NLRC5: variants seen among roughly 807,000 people sequenced by gnomAD.
NLRC5 encodes protein NLRC5.
A neutral mutation model predicts 206.9 loss-of-function variants in NLRC5; 114 were observed. That is an observed-to-expected ratio of 0.55 (90% CI 0.47 to 0.64). NLRC5 has a LOEUF of 0.64. Ranked by LOEUF, NLRC5 falls within the 30% of genes least tolerant of loss-of-function variation. The pLI is 0.00. For missense variants in NLRC5, 2,008 were observed against 2,305.5 expected, an observed-to-expected ratio of 0.87 and a Z score of 2.64; for synonymous variants, 952 against 962.8, an observed-to-expected ratio of 0.99 and a Z score of 0.21.
In NLRC5 at chr16:57,029,978, T is replaced by C. The variant is rs531944191; in HGVS notation, c.2328-17T>C. ...GTAGGGGATTCCACTCCTGACACCT[T>C]TGCCACAATCTTGCAGCCTGAGCAG... On this transcript the variant is annotated splice_polypyrimidine_tract_variant and intron_variant, in intron 9 of 48. Transcript: ENST00000688547. The C allele has an allele frequency of 1.9e-6, 3 of 1,614,080 alleles. No homozygotes were observed. The highest frequency in any genetic ancestry group is 2.7e-5 in the African/African-American group (2 of 75,052).
chr16:57,081,407 G>A (rs1420922059), intron 47 of NLRC5, 120 bp from the exon 48 acceptor site: 5 of 1,019,464 alleles, frequency 4.9e-6, no homozygotes, highest in Non-Finnish European at 7.5e-6. Context: ...GGTTCCCTGA[G>A]AAGGTAGTGT....
In NLRC5 at chr16:57,047,586, T is replaced by C. The variant is rs748677625; in HGVS notation, c.3380T>C (p.Leu1127Pro). Residue 1127 changes from leucine to proline, a missense_variant, in exon 23 of 49, where the codon CTC (leucine) becomes CCC (proline). Leu to Pro is a moderately conservative substitution (Grantham distance 98). Coordinates refer to ENST00000688547, the MANE Select transcript of NLRC5 (RefSeq NM_001384950.1). ...CPLEPPSLTR[L>P]CATLKDCPGP... Reference sequence around the variant, plus strand: ...CTGGAGCCCCCAAGCCTCACCCGCCTCTGTGCCACTCTGAAGGACTGCCCG... The same window carrying C: ...CTGGAGCCCCCAAGCCTCACCCGCCCCTGTGCCACTCTGAAGGACTGCCCG... The C allele has an allele frequency of 6.2e-7, 1 of 1,613,556 alleles. No homozygotes were observed. The highest frequency in any genetic ancestry group is 1.1e-5 in the South Asian group (1 of 90,912).
intron 10 of NLRC5, among the ~76,000 whole-genome samples, chr16:57,030,978 T>C (rs2061813184): frequency 6.6e-6 from 1 of 152,110 alleles, no homozygotes; most frequent in African/African-American, 2.4e-5. Flanking sequence ...TGCATGCCTG[T>C]GGTTCCAGCT....
chr16:57,010,514 C>T (rs904020968), intron 1 of NLRC5, among the ~76,000 whole-genome samples: 1 of 152,156 alleles, frequency 6.6e-6, no homozygotes, highest in Non-Finnish European at 1.5e-5. Context: ...GCTGGGACTA[C>T]AGGCACACAC....
chr16:57,022,697 A>G (rs1651667), intron 4 of NLRC5, among the ~76,000 whole-genome samples: 97,538 of 152,046 alleles, frequency 0.64, 32,161 homozygotes, highest in Non-Finnish European at 0.72. Context: ...TGGACTTGAC[A>G]CTCACCCACA....
At chr16:57,072,375 C>T (rs556523443) in intron 38 of NLRC5, among the ~76,000 whole-genome samples, 25 of 152,296 alleles carry the variant, frequency 1.6e-4, no homozygotes, top group African/African-American at 5.5e-4. Context: ...AAATATTCTC[C>T]TCACTGGCCA....
intron 1 of NLRC5, among the ~76,000 whole-genome samples, chr16:57,010,878 A>G (rs372165412): frequency 6.6e-6 from 1 of 151,650 alleles, no homozygotes; most frequent in South Asian, 2.1e-4. Flanking sequence ...CTAGTTTTTA[A>G]TGTAAATGTT....
chr16:57,080,998 C>T, intron 46 of NLRC5, 100 bp from the exon 47 acceptor site: 3 of 1,048,916 alleles, frequency 2.9e-6, no homozygotes, highest in Non-Finnish European at 2.8e-6. Flanking sequence ...AAAACCCTTG[C>T]CCCCACGACT....
intron 1 of NLRC5, among the ~76,000 whole-genome samples, chr16:57,011,671 T>C (rs932770964): frequency 4.0e-5 from 6 of 150,360 alleles, no homozygotes; most frequent in African/African-American, 9.8e-5. Flanking sequence ...GCATGAGCTA[T>C]GATTGCACCA....
chr16:57,030,673 T>A (rs2061778583), intron 10 of NLRC5, among the ~76,000 whole-genome samples: 1 of 152,004 alleles, frequency 6.6e-6, no homozygotes, highest in Non-Finnish European at 1.5e-5. Context: ...GATGAAGGAA[T>A]GAGTCAACAA....
intron 20 of NLRC5, among the ~76,000 whole-genome samples, chr16:57,044,083 G>A (rs1203764210): frequency 6.6e-6 from 1 of 150,656 alleles, no homozygotes; most frequent in Admixed American, 6.6e-5. Context: ...CGGATCACGT[G>A]AGGTCAGGAG....
Position 57,045,656 on chromosome 16 carries a change from C to A in NLRC5, c.3248+164C>A, listed in dbSNP as rs117354574. On this transcript the variant is annotated intron_variant, in intron 21 of 48. Coordinates refer to ENST00000688547, the MANE Select transcript of NLRC5 (RefSeq NM_001384950.1). ...ACCACTTCAGTAACCACCGCCCCCC[C>A]CATAAATTGTCAGTAATCAACTGCC... Among the ~76,000 whole-genome samples the A allele has an allele frequency of 1.5e-3, 232 of 152,290 alleles. 5 individuals are homozygous for A. In the East Asian group the frequency reaches 0.033, roughly 22 times the overall value.
chr16:57,029,736 C>G (rs368000299), intron 8 of NLRC5, 37 bp from the exon 9 acceptor site: 17 of 1,593,868 alleles, frequency 1.1e-5, no homozygotes, highest in Non-Finnish European at 1.5e-5. Context: ...GTGCCCCAAC[C>G]CCAGGGCAAA....
chr16:57,066,525 ACTC>A lies in NLRC5; in HGVS notation c.4242-5_4242-3del. On this transcript the variant is annotated splice_polypyrimidine_tract_variant and splice_region_variant and intron_variant, in intron 33 of 48. Coordinates refer to ENST00000688547, the MANE Select transcript of NLRC5 (RefSeq NM_001384950.1). ...CCCGACCTCACGTTGGTTACTGCTC[ACTC>A]CTCAGCATCTCCGAGACCCAGCAGC... 2 of 1,613,472 alleles carry A rather than the reference ACTC, an allele frequency of 1.2e-6. No homozygotes were observed. The highest frequency in any genetic ancestry group is 1.6e-4 in the Middle Eastern group (1 of 6,062).
intron 33 of NLRC5, 44 bp downstream of exon 33, chr16:57,065,342 T>C (rs754392362): frequency 7.1e-7 from 1 of 1,400,462 alleles, no homozygotes; most frequent in Non-Finnish European, 9.7e-7. Context: ...TCATCTTTCA[T>C]AAGCATTGGG....
rs771151618 is a variant in NLRC5, at chr16:57,082,407, T to C, written c.5490-10T>C. ...GAGGATGAATGAGTGCCTATATCTG[T>C]GCCCCACAGCCTCTGGAATAACCCC... On this transcript the variant is annotated splice_polypyrimidine_tract_variant and intron_variant, in intron 48 of 48. Coordinates refer to ENST00000688547, the MANE Select transcript of NLRC5 (RefSeq NM_001384950.1). The C allele has an allele frequency of 3.8e-5, 61 of 1,598,784 alleles. No individual in the cohort carries two copies. Among genetic ancestry groups the C allele is most frequent in the Non-Finnish European group, 1.5e-5 (17 of 1,168,314 alleles).
chr16:57,082,641 C>A lies in NLRC5; in HGVS notation c.*113C>A, dbSNP rs569750633. ...AAGAGCCTCGGCAGGGCGCTCTGCA[C>A]TCCACCCAGGAGGAAGGATACGTGT... On this transcript the variant is annotated 3_prime_UTR_variant, in exon 49 of 49. Coordinates refer to ENST00000688547, the MANE Select transcript of NLRC5 (RefSeq NM_001384950.1). 22 of 726,042 alleles carry A rather than the reference C, an allele frequency of 3.0e-5. No individual in the cohort carries two copies. The highest frequency in any genetic ancestry group is 2.3e-6 in the Non-Finnish European group (1 of 436,410). The allele number at this position is 726,042 out of a possible 1,614,324, so 45.0% of individuals were successfully genotyped here. A position where few individuals can be genotyped will look rare whatever the true frequency, so the allele number is the denominator to read the frequency against.
chr16:57,072,617 C>A (rs938872679), intron 38 of NLRC5, among the ~76,000 whole-genome samples: 2 of 150,762 alleles, frequency 1.3e-5, no homozygotes, highest in Non-Finnish European at 3.0e-5. Context: ...GACAGGTCCC[C>A]GTCCTGCACA....
intron 1 of NLRC5, among the ~76,000 whole-genome samples, chr16:57,016,353 C>T (rs773574899): frequency 1.3e-4 from 20 of 152,212 alleles, no homozygotes; most frequent in Non-Finnish European, 2.6e-4. Context: ...AGAATGTGCC[C>T]TATTTACGTG....
Sources: gnomAD v4.1 joint callset for allele counts (sites outside exome capture counted in the v4.1 genomes callset) on GRCh38, gnomAD v4.1.1 for gene constraint, MANE v1.5 for transcripts, NCBI Gene and HGNC (gene_info 2026-07-23, HGNC 2026-07-21) for gene names.